The following FGF14 variants were observed in gnomAD, a reference collection of about 807,000 sequenced individuals.
The protein encoded by FGF14 is fibroblast growth factor homologous factor 4.
Under a neutral mutation model 25.5 loss-of-function variants are expected in FGF14, and 5 were observed. That is an observed-to-expected ratio of 0.20 (90% CI 0.10 to 0.41). The LOEUF (loss-of-function observed/expected upper bound fraction) is 0.41. Among genes scored for constraint, FGF14 ranks in the 10% least tolerant of loss-of-function variants. The pLI, the probability that FGF14 is intolerant of heterozygous loss-of-function variation, is 1.00. For synonymous variants in FGF14, 138 were observed against 118.3 expected (o/e 1.17, Z -1.08); for missense variants, 222 against 320.1 (o/e 0.69, Z 2.34).
At chr13:102,006,766 C>T (rs1353859723) in intron 1 of FGF14, among the ~76,000 whole-genome samples, 1 of 98,918 alleles carries the variant, frequency 1.0e-5, no homozygotes, top group East Asian at 3.4e-4. Flanking sequence ...GAGACGGAGT[C>T]TCGCTCTGTC....
intron 1 of FGF14, among the ~76,000 whole-genome samples, chr13:102,338,056 G>GCAT (rs2056839402): frequency 6.6e-6 from 1 of 151,778 alleles, no homozygotes; most frequent in Admixed American, 6.6e-5. Flanking sequence ...CAAGGGAAAG[G>GCAT]GTTGAAAAAC....
chr13:102,294,173 C>T (rs2054575375), intron 1 of FGF14: 1 of 152,144 alleles, frequency 6.6e-6, no homozygotes, highest in Non-Finnish European at 1.5e-5. Flanking sequence ...TGGCATAAAT[C>T]TATGAATGAT....
At chr13:102,142,329 A>C (rs1183084054) in intron 1 of FGF14, among the ~76,000 whole-genome samples, 1 of 151,994 alleles carries the variant, frequency 6.6e-6, no homozygotes, top group Non-Finnish European at 1.5e-5. Context: ...TTGCATTTTC[A>C]CACAATACTG....
chr13:102,158,772 T>C (rs535187588), intron 1 of FGF14, among the ~76,000 whole-genome samples: 2 of 152,226 alleles, frequency 1.3e-5, no homozygotes, highest in African/African-American at 4.8e-5. Flanking sequence ...CACTGTGAAA[T>C]CAGAGGGAAT....
chr13:102,212,062 T>G (rs2050183824), intron 1 of FGF14, among the ~76,000 whole-genome samples: 3 of 152,276 alleles, frequency 2.0e-5, no homozygotes, highest in African/African-American at 7.2e-5. Flanking sequence ...TTTCTCTCAT[T>G]AGAGGACGTT....
chr13:101,850,689 T>A (rs1313417158), intron 3 of FGF14, among the ~76,000 whole-genome samples: 1 of 145,004 alleles, frequency 6.9e-6, no homozygotes, highest in Non-Finnish European at 1.5e-5. Context: ...ATATATAGAA[T>A]ATATATAGAA....
At chr13:102,234,256 A>G (rs1239144089) in intron 1 of FGF14, among the ~76,000 whole-genome samples, 2 of 146,872 alleles carry the variant, frequency 1.4e-5, no homozygotes, top group African/African-American at 5.1e-5. Flanking sequence ...ATGGAAATAT[A>G]CACTTAAATG....
At chr13:102,196,136 G>C (rs1192112498) in intron 1 of FGF14, among the ~76,000 whole-genome samples, 1 of 152,160 alleles carries the variant, frequency 6.6e-6, no homozygotes, top group Non-Finnish European at 1.5e-5. Context: ...TTTTGGTAAA[G>C]TCATTAGAAA....
intron 1 of FGF14, among the ~76,000 whole-genome samples, chr13:102,031,077 T>C (rs2041184966): frequency 6.6e-6 from 1 of 152,084 alleles, no homozygotes; most frequent in Non-Finnish European, 1.5e-5. Flanking sequence ...AAATCATAAG[T>C]GGCAGAAATG....
At chr13:102,158,244 A>C (rs1445241632) in intron 1 of FGF14, among the ~76,000 whole-genome samples, 1 of 152,198 alleles carries the variant, frequency 6.6e-6, no homozygotes, top group East Asian at 1.9e-4. Flanking sequence ...GGCACTATTC[A>C]CAATAGCAAA....
chr13:101,956,176 T>C (rs1255162093), intron 1 of FGF14, among the ~76,000 whole-genome samples: 1 of 152,216 alleles, frequency 6.6e-6, no homozygotes, highest in Non-Finnish European at 1.5e-5. Flanking sequence ...ATGAAAAATC[T>C]CTACCCAAGT....
chr13:102,015,474 A>T (rs73571574), intron 1 of FGF14, among the ~76,000 whole-genome samples: 4,886 of 152,296 alleles, frequency 0.032, 254 homozygotes, highest in African/African-American at 0.11. Context: ...ACTATCAATT[A>T]TACATTAATT....
chr13:102,059,875 A>T (rs1205903093), intron 1 of FGF14, among the ~76,000 whole-genome samples: 4 of 151,908 alleles, frequency 2.6e-5, no homozygotes, highest in Non-Finnish European at 4.4e-5. Flanking sequence ...AAAAACAAAA[A>T]AAAAAGAAAA....
chr13:101,965,126 G>A (rs1039796524), intron 1 of FGF14, among the ~76,000 whole-genome samples: 24 of 151,928 alleles, frequency 1.6e-4, no homozygotes, highest in Non-Finnish European at 1.8e-4. Flanking sequence ...GGAGGCACCC[G>A]TAATCCCAGC....
chr13:102,308,163 C>T (rs538567220), intron 1 of FGF14, among the ~76,000 whole-genome samples: 7 of 152,232 alleles, frequency 4.6e-5, no homozygotes, highest in African/African-American at 1.4e-4. Context: ...GATTTCCAGA[C>T]GTTGGATCAA....
intron 1 of FGF14, among the ~76,000 whole-genome samples, chr13:102,072,763 T>C (rs985070318): frequency 3.9e-5 from 6 of 152,076 alleles, no homozygotes; most frequent in African/African-American, 1.4e-4. Flanking sequence ...ACTCAAATGA[T>C]AGAAAAAGAA....
chr13:102,264,947 G>A (rs2052913392), intron 1 of FGF14, among the ~76,000 whole-genome samples: 1 of 152,132 alleles, frequency 6.6e-6, no homozygotes, highest in Non-Finnish European at 1.5e-5. Flanking sequence ...TAGATAGGAG[G>A]AGGAAATTGG....
chr13:101,793,523 A>G (rs2040355518), intron 3 of FGF14, among the ~76,000 whole-genome samples: 1 of 152,156 alleles, frequency 6.6e-6, no homozygotes, highest in African/African-American at 2.4e-5. Flanking sequence ...CATTGCACAT[A>G]GTGCCACAAT....
chr13:102,254,807 C>G (rs1224798275), intron 1 of FGF14, among the ~76,000 whole-genome samples: 1 of 152,174 alleles, frequency 6.6e-6, no homozygotes, highest in Non-Finnish European at 1.5e-5. Flanking sequence ...AGCAAAATGG[C>G]TCCCAGTTGG....
Sources: allele counts gnomAD v4.1 joint callset (sites outside exome capture counted in the v4.1 genomes callset), GRCh38; gene constraint gnomAD v4.1.1; transcripts MANE v1.5; gene names NCBI Gene and HGNC (gene_info 2026-07-23, HGNC 2026-07-21).